The following DPP10 variants were observed in gnomAD, a reference collection of about 807,000 sequenced individuals.
The protein encoded by DPP10 is inactive dipeptidyl peptidase 10.
In DPP10, 33 loss-of-function variants were observed where a neutral mutation model predicts 120.9. The observed-to-expected ratio is 0.27, with a 90% CI of 0.21 to 0.37. The LOEUF is 0.37. Among genes scored for constraint, DPP10 ranks in the 10% least tolerant of loss-of-function variants. The pLI is 1.00. For missense variants in DPP10, 816 were observed against 942.8 expected, an observed-to-expected ratio of 0.87 and a Z score of 1.76; for synonymous variants, 337 against 326.1, an observed-to-expected ratio of 1.03 and a Z score of -0.36.
chr2:115,536,377 A>G (rs548965701), intron 5 of DPP10, among the ~76,000 whole-genome samples: 1 of 152,122 alleles, frequency 6.6e-6, no homozygotes, highest in Non-Finnish European at 1.5e-5. Flanking sequence ...ATGTGGTGAT[A>G]TCATAATTTA....
chr2:115,536,411 TATAG>T (rs1383510374), intron 5 of DPP10, among the ~76,000 whole-genome samples: 2 of 152,012 alleles, frequency 1.3e-5, no homozygotes, highest in African/African-American at 4.8e-5. Context: ...CTTTAATATT[TATAG>T]ATAGTTGACA....
At chr2:115,822,572 A>T (rs1458467063) in intron 21 of DPP10, among the ~76,000 whole-genome samples, 1 of 151,994 alleles carries the variant, frequency 6.6e-6, no homozygotes, top group Non-Finnish European at 1.5e-5. Context: ...GCAATATTGA[A>T]GCTTTCATAT....
intron 1 of DPP10, among the ~76,000 whole-genome samples, chr2:115,020,952 T>A (rs1464916625): frequency 1.3e-5 from 2 of 152,056 alleles, no homozygotes; most frequent in African/African-American, 2.4e-5. Context: ...GATGAAAATT[T>A]AAAAAAATTT....
chr2:114,980,980 T>A (rs1029690988), intron 1 of DPP10, among the ~76,000 whole-genome samples: 1 of 149,608 alleles, frequency 6.7e-6, no homozygotes, highest in Non-Finnish European at 1.5e-5. Flanking sequence ...TTTATCGAAA[T>A]ATGTTGTGTC....
At chr2:115,438,846 A>G (rs543349693) in intron 3 of DPP10, among the ~76,000 whole-genome samples, 31 of 113,082 alleles carry the variant, frequency 2.7e-4, no homozygotes, top group South Asian at 1.8e-3. Context: ...ATGGTCATGG[A>G]AGCACAGTGT....
At chr2:114,475,049 G>A (rs527816979) in intron 1 of DPP10, among the ~76,000 whole-genome samples, 3 of 152,164 alleles carry the variant, frequency 2.0e-5, no homozygotes, top group Admixed American at 1.3e-4. Flanking sequence ...AGGGAGAAAG[G>A]CTTCTATAGA....
chr2:115,651,182 G>C (rs1337579045), intron 5 of DPP10, among the ~76,000 whole-genome samples: 1 of 151,932 alleles, frequency 6.6e-6, no homozygotes, highest in Non-Finnish European at 1.5e-5. Flanking sequence ...TTTTTTGAAA[G>C]AAGGAATGAA....
At chr2:115,761,047 A>G (rs2149786926) in intron 11 of DPP10, among the ~76,000 whole-genome samples, 1 of 148,038 alleles carries the variant, frequency 6.8e-6, no homozygotes, top group South Asian at 2.2e-4. Context: ...CAGTGAGCCG[A>G]GATCGGGCCA....
intron 3 of DPP10, among the ~76,000 whole-genome samples, chr2:115,496,970 C>T (rs1262928226): frequency 1.3e-5 from 2 of 151,980 alleles, no homozygotes; most frequent in Non-Finnish European, 1.5e-5. Context: ...TGCACTGAGT[C>T]TGCCTCTGGA....
intron 1 of DPP10, among the ~76,000 whole-genome samples, chr2:115,087,114 A>G (rs1163455913): frequency 1.3e-5 from 2 of 152,084 alleles, no homozygotes; most frequent in Non-Finnish European, 2.9e-5. Flanking sequence ...ATGTGTTTTT[A>G]TTTTGCTTCA....
At chr2:114,787,588 G>A (rs1306493977) in intron 1 of DPP10, among the ~76,000 whole-genome samples, 1 of 152,184 alleles carries the variant, frequency 6.6e-6, no homozygotes, top group African/African-American at 2.4e-5. Flanking sequence ...GCTCTCTAAA[G>A]CAATGAAGCT....
chr2:115,381,897 G>T (rs1216814353), intron 3 of DPP10, among the ~76,000 whole-genome samples: 6 of 145,970 alleles, frequency 4.1e-5, no homozygotes, highest in Non-Finnish European at 7.7e-5. Context: ...ACTTGAGGAG[G>T]CAGTCTGCCC....
chr2:114,895,415 C>A (rs927184228), intron 1 of DPP10, among the ~76,000 whole-genome samples: 7 of 152,130 alleles, frequency 4.6e-5, no homozygotes, highest in African/African-American at 1.7e-4. Context: ...GGTGAGTCCA[C>A]GTGACTTGAG....
chr2:114,920,618 A>C (rs1325139717), intron 1 of DPP10, among the ~76,000 whole-genome samples: 1 of 152,212 alleles, frequency 6.6e-6, no homozygotes, highest in East Asian at 1.9e-4. Context: ...CCTTAAGACT[A>C]TAACACATTG....
At chr2:115,053,531 T>A (rs1395480138) in intron 1 of DPP10, among the ~76,000 whole-genome samples, 1 of 152,208 alleles carries the variant, frequency 6.6e-6, no homozygotes, top group Non-Finnish European at 1.5e-5. Flanking sequence ...TGTTCTACAA[T>A]TAGATTGTTG....
intron 1 of DPP10, among the ~76,000 whole-genome samples, chr2:115,150,772 T>C (rs1456007112): frequency 6.6e-6 from 1 of 152,222 alleles, no homozygotes; most frequent in Non-Finnish European, 1.5e-5. Flanking sequence ...GGTATGTTCG[T>C]AAGCATAAAA....
chr2:115,683,097 G>A (rs12472989), intron 5 of DPP10, among the ~76,000 whole-genome samples: 143,877 of 151,930 alleles, frequency 0.95, 68,482 homozygotes, highest in Non-Finnish European at 1. Context: ...AGATTTTGTC[G>A]TAAATACAGC....
At chr2:114,955,844 A>T (rs1158963310) in intron 1 of DPP10, among the ~76,000 whole-genome samples, 1 of 152,244 alleles carries the variant, frequency 6.6e-6, no homozygotes, top group Non-Finnish European at 1.5e-5. Context: ...GGACTAAGCT[A>T]TATGATCATT....
At chr2:115,231,268 G>A (rs965540653) in intron 1 of DPP10, among the ~76,000 whole-genome samples, 4 of 151,932 alleles carry the variant, frequency 2.6e-5, no homozygotes, top group Admixed American at 2.6e-4. Context: ...TTTAAAACAC[G>A]AATGTCCATA....
Sources: allele counts gnomAD v4.1 joint callset (sites outside exome capture counted in the v4.1 genomes callset), GRCh38; gene constraint gnomAD v4.1.1; transcripts MANE v1.5; gene names NCBI Gene and HGNC (gene_info 2026-07-23, HGNC 2026-07-21).